The following WFDC5 variants were observed in gnomAD, a reference collection of about 807,000 sequenced individuals.
WFDC5 encodes WAP four-disulfide core domain 5, also known as WAP four-disulfide core domain protein 5.
Under a neutral mutation model 15.7 loss-of-function variants are expected in WFDC5, and 15 were observed. The observed-to-expected ratio is 0.96, with a 90% confidence interval of 0.64 to 1.47. The LOEUF (loss-of-function observed/expected upper bound fraction) is 1.47, where lower values mean the gene tolerates loss of function less well. WFDC5 is among the 40% of genes most tolerant of loss of function. The probability of loss-of-function intolerance (pLI) is 0.00; values close to 1 mark genes in which losing one functional copy is unlikely to be tolerated. For synonymous variants in WFDC5, 109 were observed against 107.7 expected, an observed-to-expected ratio of 1.01 and a Z score of -0.07; for missense variants, 280 against 258.0, an observed-to-expected ratio of 1.09 and a Z score of -0.59.
chr20:45,114,879 G>GCACA (rs916010178), intron 1 of WFDC5, 120 bp downstream of exon 1: 37 of 867,902 alleles, frequency 4.3e-5, no homozygotes, highest in South Asian at 3.3e-4. Context: ...ACGCACGCAC[G>GCACA]CACACACACA....
Position 45,109,956 on chromosome 20 carries a change from C to G in WFDC5, c.451G>C (p.Val151Leu). Residue 151 changes from valine (V) to leucine (L), a missense_variant, in exon 4 of 4, where the codon GTT becomes CTT. Transcript: ENST00000307971. ...AGGGCCCCAGGCCTCCCATCGTGAA[C>G]TCTTTCCGTTGGTCCCCAGCTTAGG... is the stretch of plus-strand genomic sequence containing the variant. 4 of 1,614,046 alleles carry G rather than the reference C, an allele frequency of 2.5e-6. No homozygotes were observed. The East Asian group carries it at 8.9e-5, about 36-fold the overall frequency.
rs540492242 is a variant in WFDC5 at position 45,110,617 on chromosome 20, T to C, written c.226+18A>G. 1.2e-6 allele frequency: 2 copies of C among 1,613,708 alleles called. No homozygotes were observed. Among genetic ancestry groups the C allele is most frequent in the Admixed American group, 3.3e-5 (2 of 59,984 alleles). On this transcript the variant is annotated intron_variant, in intron 2 of 3. Coordinates refer to ENST00000307971, the Ensembl canonical transcript of WFDC5. ...CTTGGGGCTTGGATGGTCAGCAAGGTGGAGGGGAGGCATTTACCAGAGACC... is the reference window on the plus strand; with the variant it reads ...CTTGGGGCTTGGATGGTCAGCAAGGCGGAGGGGAGGCATTTACCAGAGACC...
intron 1 of WFDC5, 103 bp from the exon 2 acceptor site, chr20:45,110,878 T>G: frequency 6.7e-7 from 1 of 1,497,328 alleles, no homozygotes. Flanking sequence ...CCTTGCTTTT[T>G]GCCTGTCTTT....
exon 2 of WFDC5, chr20:45,110,724 G>C: frequency 1.2e-6 from 2 of 1,614,208 alleles, no homozygotes; most frequent in Non-Finnish European, 1.7e-6. Context: ...GCACTGGTCA[G>C]GCACCGATAG....
chr20:45,115,122 T>C, exon 1 of WFDC5: 1 of 1,591,706 alleles, frequency 6.3e-7, no homozygotes. Context: ...CCCCCCAGAT[T>C]AACACCTGCA....
chr20:45,116,088 A>T (rs1341230670), upstream of WFDC5, among the ~76,000 whole-genome samples: 3 of 152,202 alleles, frequency 2.0e-5, no homozygotes, highest in Admixed American at 2.0e-4. Context: ...CATCACCCTC[A>T]TTCAGTTCCT....
At chr20:45,110,667 G>A in exon 2 of WFDC5, 1 of 1,614,104 alleles carries the variant, frequency 6.2e-7, no homozygotes, top group Non-Finnish European at 8.5e-7. Flanking sequence ...GCGGAAGCAA[G>A]CTCTGTAGCA....
At chr20:45,110,042 C>T (rs372505386) in intron 3 of WFDC5, 29 bp from the exon 4 acceptor site, 4 of 1,606,944 alleles carry the variant, frequency 2.5e-6, no homozygotes, top group Non-Finnish European at 1.7e-6. Flanking sequence ...AGGGTTAATT[C>T]CTTCCCATAA....
intron 1 of WFDC5, among the ~76,000 whole-genome samples, chr20:45,111,275 T>C (rs1981610138): frequency 7.2e-6 from 1 of 138,444 alleles, no homozygotes; most frequent in African/African-American, 3.0e-5. Flanking sequence ...ATTAACTAGG[T>C]CAGCGCCCCC....
chr20:45,109,911 G>A, exon 4 of WFDC5: 1 of 1,514,006 alleles, frequency 6.6e-7, no homozygotes, highest in Non-Finnish European at 9.2e-7. Context: ...CGCTGGTAGA[G>A]ATAGTGCTGT....
upstream of WFDC5, chr20:45,115,176 G>T: frequency 3.1e-6 from 4 of 1,278,254 alleles, no homozygotes; most frequent in East Asian, 2.4e-5. Context: ...AGGAAAGAGA[G>T]GGGGTGTGGA....
At chr20:45,110,358 C>G in intron 3 of WFDC5, 42 bp downstream of exon 3, 2 of 1,561,276 alleles carry the variant, frequency 1.3e-6, no homozygotes, top group Non-Finnish European at 1.7e-6. Context: ...GAGCTGGGCT[C>G]GGAGAGGGGA....
chr20:45,114,878 C>T lies in WFDC5; in HGVS notation c.85+121G>A, dbSNP rs1462313288. 6.2e-5 allele frequency: 59 copies of T among 949,096 alleles called. No individual in the cohort carries two copies. In the East Asian group the frequency reaches 8.9e-4, roughly 14 times the overall value. 58.8% of individuals were successfully genotyped at this position (949,096 alleles called of 1,614,324 possible). ...ATCCACACATACACACACGCACGCA[C>T]GCACACACACACGCGCACACACACC... On this transcript the variant is annotated intron_variant, in intron 1 of 3. Transcript: ENST00000307971.
At chr20:45,114,203 C>T (rs528704276) in intron 1 of WFDC5, among the ~76,000 whole-genome samples, 1 of 152,240 alleles carries the variant, frequency 6.6e-6, no homozygotes, top group Admixed American at 6.5e-5. Context: ...CATTACTGTC[C>T]CCTTTCTTTA....
intron 1 of WFDC5, among the ~76,000 whole-genome samples, chr20:45,114,608 C>T (rs765752267): frequency 6.6e-6 from 1 of 152,036 alleles, no homozygotes; most frequent in Non-Finnish European, 1.5e-5. Flanking sequence ...CACATGCGTG[C>T]AGCCATTCCT....
At chr20:45,110,752 C>G (rs1256355427) in exon 2 of WFDC5, 2 of 1,614,144 alleles carry the variant, frequency 1.2e-6, no homozygotes, top group Admixed American at 1.7e-5. Context: ...GGCCCATCAT[C>G]TGGCGGGCAG....
upstream of WFDC5, among the ~76,000 whole-genome samples, chr20:45,116,016 G>A (rs926214980): frequency 1.1e-4 from 17 of 152,312 alleles, no homozygotes; most frequent in African/African-American, 4.1e-4. Flanking sequence ...GATGAGAGGG[G>A]ACTGGCCCAA....
rs765995084 is a variant in WFDC5, at chr20:45,110,558, G to C, written c.227-18C>G. 50 of 1,614,000 alleles carry C rather than the reference G, an allele frequency of 3.1e-5. No homozygotes were observed. Among genetic ancestry groups the C allele is most frequent in the Non-Finnish European group, 3.8e-5 (45 of 1,179,986 alleles). On this transcript the variant is annotated intron_variant, in intron 2 of 3. Transcript: ENST00000307971. ...CAGCTTCACTGCAACACAGGGAACTGGGTGAGCTCCGTCCTTGCCCACTGG... is the reference window on the plus strand; with the variant it reads ...CAGCTTCACTGCAACACAGGGAACTCGGTGAGCTCCGTCCTTGCCCACTGG...
exon 3 of WFDC5, chr20:45,110,519 T>G: frequency 6.2e-7 from 1 of 1,614,208 alleles, no homozygotes. Context: ...CAGTTGGTCC[T>G]CTGGGCAGCT....
Sources: allele counts gnomAD v4.1 joint callset (sites outside exome capture counted in the v4.1 genomes callset), GRCh38; gene constraint gnomAD v4.1.1; transcripts MANE v1.5; gene names NCBI Gene and HGNC (gene_info 2026-07-23, HGNC 2026-07-21).